The following CBLB variants were observed in gnomAD, a reference collection of about 807,000 sequenced individuals.
CBLB encodes E3 ubiquitin-protein ligase CBL-B.
A neutral mutation model predicts 104.9 loss-of-function variants in CBLB; 31 were observed. The observed-to-expected ratio is 0.30, with a 90% confidence interval of 0.22 to 0.40. CBLB has a LOEUF of 0.40. Among genes scored for constraint, CBLB ranks in the 10% least tolerant of loss-of-function variants. CBLB has a pLI of 1.00. For synonymous variants in CBLB, 440 were observed against 422.6 expected (o/e 1.04, Z -0.51); for missense variants, 1,062 against 1,214.6 (o/e 0.87, Z 1.87).
At chr3:105,722,702 T>C (rs2073059205) in intron 9 of CBLB, among the ~76,000 whole-genome samples, 1 of 152,216 alleles carries the variant, frequency 6.6e-6, no homozygotes, top group African/African-American at 2.4e-5. Context: ...TCAACTTACA[T>C]ATTGCTCTGG....
At chr3:105,729,576 T>C (rs1017484797) in intron 9 of CBLB, among the ~76,000 whole-genome samples, 2 of 152,128 alleles carry the variant, frequency 1.3e-5, no homozygotes, top group Non-Finnish European at 2.9e-5. Context: ...GTTATTTTAA[T>C]CTAAGTCCAG....
At chr3:105,764,033 G>A (rs1395901880) in intron 4 of CBLB, among the ~76,000 whole-genome samples, 2 of 152,174 alleles carry the variant, frequency 1.3e-5, no homozygotes, top group African/African-American at 2.4e-5. Flanking sequence ...TTTTGTAATG[G>A]ATAATGCATA....
chr3:105,867,449 G>C lies in CBLB; in HGVS notation c.129C>G (p.Arg43=). ...VGPPKQAAAD[R]RTVEKTWKLM... is the part of the protein sequence containing the mutation. The stretch of plus-strand genomic sequence containing the variant: ...GCTTCCAAGTCTTCTCCACGGTCCT[G>C]CGATCTGCGGCAGCTTGCTTAGGGG... The change falls in exon 2 of 19, where the codon CGC becomes CGG. Residue 43 remains arginine, a synonymous_variant. Coordinates refer to ENST00000394030, the MANE Select transcript of CBLB (RefSeq NM_170662.5). 1 of 1,614,176 alleles carries C rather than the reference G, an allele frequency of 6.2e-7. No homozygotes were observed. The highest frequency in any genetic ancestry group is 8.5e-7 in the Non-Finnish European group (1 of 1,180,038).
In CBLB at chr3:105,693,530, G is replaced by A; in HGVS notation, c.2018C>T (p.Pro673Leu). 6.2e-7 allele frequency: 1 copy of A among 1,612,620 alleles called. No homozygotes were observed. The highest frequency in any genetic ancestry group is 1.3e-5 in the African/African-American group (1 of 75,004). Residue 673 changes from proline to leucine, a missense_variant, in exon 13 of 19, where the codon CCT (proline) becomes CTT (leucine). Pro to Leu is a moderately conservative substitution (Grantham distance 98). Coordinates refer to ENST00000394030, the MANE Select transcript of CBLB (RefSeq NM_170662.5). ...EEYDVPPRLS[P>L]PPPVTTLLPS... The stretch of plus-strand genomic sequence containing the variant: ...GAGGAGGGTGGTAACTGGAGGAGGA[G>A]GAGAAAGCCGGGGAGGAACATCATA...
At chr3:105,809,271 C>T (rs1481444320) in intron 3 of CBLB, among the ~76,000 whole-genome samples, 1 of 152,142 alleles carries the variant, frequency 6.6e-6, no homozygotes, top group East Asian at 1.9e-4. Flanking sequence ...ATGAGGAGCT[C>T]AGGAAACAAA....
intron 17 of CBLB, among the ~76,000 whole-genome samples, chr3:105,677,272 C>T (rs936429521): frequency 6.6e-6 from 1 of 151,242 alleles, no homozygotes; most frequent in African/African-American, 2.4e-5. Flanking sequence ...GAAATTGAAG[C>T]TGTGTATTCC....
At chr3:105,695,011 C>A (rs761913749) in intron 12 of CBLB, among the ~76,000 whole-genome samples, 1 of 151,802 alleles carries the variant, frequency 6.6e-6, no homozygotes, top group Non-Finnish European at 1.5e-5. Context: ...TATCAAACCA[C>A]AAACGCTCAT....
intron 9 of CBLB, among the ~76,000 whole-genome samples, chr3:105,731,059 T>TA (rs2074261724): frequency 6.6e-6 from 1 of 152,190 alleles, no homozygotes; most frequent in Non-Finnish European, 1.5e-5. Flanking sequence ...TAGGCCAATA[T>TA]AAAAAATCAT....
At position 105,702,245 on chromosome 3, in the gene CBLB, T is replaced by G; in HGVS notation, c.1808A>C (p.Gln603Pro). The change falls in exon 12 of 19, where the codon CAG (glutamine) becomes CCG (proline). Residue 603 changes from glutamine (Q) to proline (P), a missense_variant. This residue lies in a region of CBLB where 605 missense variants were observed against 582.6 expected (regional missense o/e 1.04). Coordinates refer to ENST00000394030, the MANE Select transcript of CBLB (RefSeq NM_170662.5). ...WCPRDVFGTN[Q>P]LVGCRLLGEG... ...CCCTAGGAGTCGACATCCCACAAGC[T>G]GATTAGTCCCAAACACATCCCGAGG... 1 of 1,614,010 alleles carries G rather than the reference T, an allele frequency of 6.2e-7. No individual in the cohort carries two copies. The highest frequency in any genetic ancestry group is 8.5e-7 in the Non-Finnish European group (1 of 1,179,976).
chr3:105,700,575 A>T (rs2068954660), intron 12 of CBLB, among the ~76,000 whole-genome samples: 1 of 152,160 alleles, frequency 6.6e-6, no homozygotes, highest in Non-Finnish European at 1.5e-5. Flanking sequence ...CTCCCCACTA[A>T]CAGAGATTAT....
At chr3:105,766,627 T>C (rs1229234315) in intron 4 of CBLB, among the ~76,000 whole-genome samples, 1 of 151,240 alleles carries the variant, frequency 6.6e-6, no homozygotes. Context: ...TAGCATTTTT[T>C]AGCAATTCTT....
chr3:105,844,547 T>C (rs2089996669), intron 3 of CBLB, among the ~76,000 whole-genome samples: 1 of 152,226 alleles, frequency 6.6e-6, no homozygotes, highest in South Asian at 2.1e-4. Flanking sequence ...CTCATGTGTC[T>C]TGCTGTTTAC....
intron 12 of CBLB, among the ~76,000 whole-genome samples, chr3:105,697,824 C>T (rs1455290577): frequency 6.6e-6 from 1 of 152,024 alleles, no homozygotes; most frequent in East Asian, 1.9e-4. Flanking sequence ...AGTATTCTTA[C>T]TGCCTCAAGA....
intron 3 of CBLB, among the ~76,000 whole-genome samples, chr3:105,823,040 A>C (rs535981919): frequency 6.6e-6 from 1 of 152,282 alleles, no homozygotes; most frequent in East Asian, 1.9e-4. Context: ...TCATCCCTAG[A>C]AGTTAAGTGT....
chr3:105,753,367 TG>T (rs2076759127), intron 4 of CBLB, among the ~76,000 whole-genome samples: 2 of 8,936 alleles, frequency 2.2e-4, no homozygotes, highest in Admixed American at 2.0e-3. Flanking sequence ...AAAATGCTGC[TG>T]TTTTTTTTAA....
chr3:105,802,156 T>TC (rs1434076662), intron 3 of CBLB, among the ~76,000 whole-genome samples: 5 of 152,344 alleles, frequency 3.3e-5, no homozygotes, highest in Admixed American at 6.5e-5. Context: ...ACCTGCAGCA[T>TC]CCTGGATGTC....
At chr3:105,679,329 G>A (rs1343673821) in intron 16 of CBLB, among the ~76,000 whole-genome samples, 3 of 97,142 alleles carry the variant, frequency 3.1e-5, no homozygotes, top group African/African-American at 1.3e-4. Flanking sequence ...TCATTACCTT[G>A]AGTCTTTAAA....
chr3:105,830,980 C>T (rs115388277), intron 3 of CBLB, among the ~76,000 whole-genome samples: 1,850 of 152,288 alleles, frequency 0.012, 13 homozygotes, highest in Middle Eastern at 0.027. Context: ...TGAGGAGACA[C>T]GGCTGACATG....
chr3:105,733,222 T>A (rs973500177), intron 9 of CBLB, among the ~76,000 whole-genome samples: 2 of 152,006 alleles, frequency 1.3e-5, no homozygotes, highest in African/African-American at 2.4e-5. Flanking sequence ...CTGGGCACGG[T>A]GGCGGGCACC....
Sources: allele counts gnomAD v4.1 joint callset (sites outside exome capture counted in the v4.1 genomes callset), GRCh38; gene constraint gnomAD v4.1.1; regional missense constraint gnomAD v4.1.1; transcripts MANE v1.5; gene names NCBI Gene and HGNC (gene_info 2026-07-23, HGNC 2026-07-21).